The following CNNM2 variants were observed in gnomAD, a reference collection of about 807,000 sequenced individuals.
CNNM2 encodes cyclin and CBS domain divalent metal cation transport mediator 2.
In CNNM2, 12 loss-of-function variants were observed where a neutral mutation model predicts 66.9. The observed-to-expected ratio is 0.18, with a 90% confidence interval of 0.11 to 0.29. CNNM2 has a LOEUF of 0.29. Ranked by LOEUF, CNNM2 falls within the 10% of genes least tolerant of loss-of-function variation. CNNM2 has a pLI of 1.00. For synonymous variants in CNNM2, 557 were observed against 501.8 expected (o/e 1.11, Z -1.47); for missense variants, 705 against 1,167.7 (o/e 0.60, Z 5.77).
intron 6 of CNNM2, 98 bp from the exon 7 acceptor site, chr10:103,075,988 C>T: frequency 8.8e-7 from 1 of 1,138,730 alleles, no homozygotes; most frequent in East Asian, 2.6e-5. Flanking sequence ...GTTGGCTGGG[C>T]TTGTGTGGCA....
intron 1 of CNNM2, among the ~76,000 whole-genome samples, chr10:102,928,455 G>T (rs189152961): frequency 1.3e-5 from 2 of 151,870 alleles, no homozygotes; most frequent in African/African-American, 4.8e-5. Flanking sequence ...GGTGGTGGGC[G>T]CCTGTAATTC....
At chr10:102,995,514 T>G (rs1487128300) in intron 1 of CNNM2, among the ~76,000 whole-genome samples, 1 of 151,542 alleles carries the variant, frequency 6.6e-6, no homozygotes, top group Non-Finnish European at 1.5e-5. Context: ...CTGTCCTTTC[T>G]CTTTCTTGCT....
At chr10:103,052,855 C>T (rs2065239090) in intron 2 of CNNM2, among the ~76,000 whole-genome samples, 2 of 152,184 alleles carry the variant, frequency 1.3e-5, no homozygotes, top group Non-Finnish European at 2.9e-5. Flanking sequence ...GGAGTGACAG[C>T]TGTTGCCATT....
In CNNM2 at chr10:102,940,435, T is replaced by C. The variant is rs533363468; in HGVS notation, c.1621+20334T>C. Among the ~76,000 whole-genome samples the C allele has an allele frequency of 9.8e-5, 15 of 152,340 alleles. No individual in the cohort carries two copies. The South Asian group carries it at 3.1e-3, about 32-fold the overall frequency. On this transcript the variant is annotated intron_variant, in intron 1 of 7. Coordinates refer to ENST00000369878, the MANE Select transcript of CNNM2 (RefSeq NM_017649.5). ...TTATTTTATTTTATTTATTTATTTT[T>C]TGAGATGGAGTCTCACTCTGTCACC...
At chr10:103,076,377 C>G (rs2065691259) in intron 7 of CNNM2, 107 bp downstream of exon 7, 2 of 1,111,420 alleles carry the variant, frequency 1.8e-6, no homozygotes, top group South Asian at 3.0e-5. Context: ...CCCTTTGTCA[C>G]TTTGTGGGTG....
intron 3 of CNNM2, 85 bp from the exon 4 acceptor site, chr10:103,056,710 T>A: frequency 7.8e-7 from 1 of 1,288,164 alleles, no homozygotes; most frequent in South Asian, 1.3e-5. Context: ...CAAGTATTCT[T>A]ATCTAAACAC....
rs988213288 is a variant in CNNM2 at position 102,973,824 on chromosome 10, C to G, written c.1621+53723C>G. On this transcript the variant is annotated intron_variant, in intron 1 of 7. Transcript: ENST00000369878. Reference sequence around the variant, plus strand: ...AGCATCTTTTCATGTATTCCCCCCCCCCCTTTTTTAAAACAACATCATCTT... The same window carrying G: ...AGCATCTTTTCATGTATTCCCCCCCGCCCTTTTTTAAAACAACATCATCTT... Among the ~76,000 whole-genome samples, 8 of 149,808 alleles carry G rather than the reference C, an allele frequency of 5.3e-5. No individual in the cohort carries two copies. In the East Asian group the frequency reaches 1.2e-3, roughly 23 times the overall value.
At chr10:102,936,026 TG>T (rs1846229879) in intron 1 of CNNM2, among the ~76,000 whole-genome samples, 1 of 150,416 alleles carries the variant, frequency 6.6e-6, no homozygotes, top group South Asian at 2.1e-4. Context: ...TTTGGTGCTG[TG>T]GGGGTAGGGG....
intron 1 of CNNM2, among the ~76,000 whole-genome samples, chr10:103,005,755 G>T (rs569401405): frequency 2.0e-5 from 3 of 152,062 alleles, no homozygotes; most frequent in African/African-American, 4.8e-5. Context: ...TTGAGACAGG[G>T]TCTCATTTGT....
intron 1 of CNNM2, among the ~76,000 whole-genome samples, chr10:102,967,128 T>C (rs541870061): frequency 6.6e-6 from 1 of 152,214 alleles, no homozygotes; most frequent in Admixed American, 6.5e-5. Flanking sequence ...TTTAAAAAAT[T>C]TCTTTTAGAG....
At chr10:102,964,475 C>A (rs1235709325) in intron 1 of CNNM2, among the ~76,000 whole-genome samples, 2 of 152,122 alleles carry the variant, frequency 1.3e-5, no homozygotes, top group Non-Finnish European at 2.9e-5. Flanking sequence ...GTGATTCACC[C>A]GCTTCGGCCT....
rs1274238822 is a variant in CNNM2, at chr10:102,918,443, G to C, written c.-38G>C. The C allele has an allele frequency of 5.7e-6, 9 of 1,585,710 alleles. No homozygotes were observed. The highest frequency in any genetic ancestry group is 7.7e-6 in the Non-Finnish European group (9 of 1,170,950). On this transcript the variant is annotated 5_prime_UTR_variant, in exon 1 of 8. Coordinates refer to ENST00000369878, the MANE Select transcript of CNNM2 (RefSeq NM_017649.5). This position sits in a 1 kb window ranked among gnomAD's most constrained non-coding sequence, Gnocchi z 4.1. ...GCCGGTACCTGCGCTCGCGCCGCCG[G>C]GTTGAAAGGATGAAGCCGCAGCTGG...
chr10:103,046,390 T>C (rs776220182), intron 1 of CNNM2, among the ~76,000 whole-genome samples: 1 of 152,218 alleles, frequency 6.6e-6, no homozygotes, highest in Non-Finnish European at 1.5e-5. Context: ...GTGGGAGTTA[T>C]TTATATTCTA....
At chr10:102,996,306 C>T (rs2064003346) in intron 1 of CNNM2, among the ~76,000 whole-genome samples, 1 of 151,888 alleles carries the variant, frequency 6.6e-6, no homozygotes, top group African/African-American at 2.4e-5. Flanking sequence ...TTTGGCCATC[C>T]CTCTTGTATC....
chr10:103,081,304 CCTTA>C lies in CNNM2; in HGVS notation c.*4127_*4130del, dbSNP rs1220898674. 5 of 152,320 alleles carry C rather than the reference CCTTA, an allele frequency of 3.3e-5. No homozygotes were observed. The highest frequency in any genetic ancestry group is 9.6e-5 in the African/African-American group (4 of 41,456). The allele number at this position is 152,320 out of a possible 1,614,324, so 9.4% of individuals were successfully genotyped here. On this transcript the variant is annotated 3_prime_UTR_variant, in exon 8 of 8. Coordinates refer to ENST00000369878, the MANE Select transcript of CNNM2 (RefSeq NM_017649.5). ...GCCTCTGAGGTGCCATTGCTTACTT[CCTTA>C]CTGAGGAAACTGGCTCTTGTCCTGG... is the stretch of plus-strand genomic sequence containing the variant.
At position 102,979,422 on chromosome 10, in the gene CNNM2, T is replaced by C. The variant is rs10883815; in HGVS notation, c.1621+59321T>C. On this transcript the variant is annotated intron_variant, in intron 1 of 7. Coordinates refer to ENST00000369878, the MANE Select transcript of CNNM2 (RefSeq NM_017649.5). ...GCTGCCCCCACTACCTCATTTGTTA[T>C]ACCACCTAGCTATGTTACCTGCTTA... 0.095 allele frequency among the ~76,000 whole-genome samples: 14,398 copies of C among 152,238 alleles called. 877 individuals are homozygous for C. Among genetic ancestry groups the C allele is most frequent in the East Asian group, 0.28 (1,437 of 5,168 alleles).
intron 1 of CNNM2, among the ~76,000 whole-genome samples, chr10:103,017,792 C>T (rs141073334): frequency 5.0e-4 from 76 of 151,724 alleles, no homozygotes; most frequent in African/African-American, 1.8e-3. Flanking sequence ...GTGGTGAAAC[C>T]CTGTCTCTAC....
intron 1 of CNNM2, among the ~76,000 whole-genome samples, chr10:103,019,130 G>A (rs922482867): frequency 4.6e-5 from 7 of 151,994 alleles, no homozygotes; most frequent in African/African-American, 1.2e-4. Context: ...TTATTCAGAT[G>A]TGGTGGCATA....
intron 1 of CNNM2, among the ~76,000 whole-genome samples, chr10:103,028,751 A>T (rs1224692116): frequency 5.3e-5 from 8 of 151,846 alleles, no homozygotes; most frequent in Non-Finnish European, 5.9e-5. Flanking sequence ...TGCAGAGATA[A>T]TACCATTTCC....
Sources: allele counts gnomAD v4.1 joint callset (sites outside exome capture counted in the v4.1 genomes callset), GRCh38; gene constraint gnomAD v4.1.1; non-coding constraint Gnocchi (gnomAD v3.1); transcripts MANE v1.5; gene names NCBI Gene and HGNC (gene_info 2026-07-23, HGNC 2026-07-21).